The following BNC2 variants were observed in gnomAD, a reference collection of about 807,000 sequenced individuals.
The protein encoded by BNC2 is zinc finger protein basonuclin-2.
In BNC2, 20 loss-of-function variants were observed where a neutral mutation model predicts 76.3. The observed-to-expected ratio is 0.26, with a 90% CI of 0.18 to 0.38. The LOEUF (loss-of-function observed/expected upper bound fraction) is 0.38. Among genes scored for constraint, BNC2 ranks in the 10% least tolerant of loss-of-function variants. The pLI, the probability that BNC2 is intolerant of heterozygous loss-of-function variation, is 1.00. For missense variants in BNC2, 1,382 were observed against 1,399.8 expected (o/e 0.99, Z 0.20); for synonymous variants, 582 against 514.8 (o/e 1.13, Z -1.77).
intron 1 of BNC2, among the ~76,000 whole-genome samples, chr9:16,750,134 TA>T (rs1825145119): frequency 6.6e-6 from 1 of 152,182 alleles, no homozygotes; most frequent in Non-Finnish European, 1.5e-5. Flanking sequence ...TTTTCTGTTT[TA>T]AAGAATCTAC....
intron 1 of BNC2, among the ~76,000 whole-genome samples, chr9:16,824,712 A>G (rs926569710): frequency 7.9e-5 from 12 of 152,178 alleles, no homozygotes; most frequent in Non-Finnish European, 1.2e-4. Context: ...TCGACAAAAC[A>G]TACCTCTGAA....
intron 4 of BNC2, among the ~76,000 whole-genome samples, chr9:16,570,069 T>C (rs1819277258): frequency 6.6e-6 from 1 of 152,152 alleles, no homozygotes; most frequent in South Asian, 2.1e-4. Flanking sequence ...ATAATCACCC[T>C]ACCCCCCAGT....
At chr9:16,800,162 T>A (rs557805196) in intron 1 of BNC2, among the ~76,000 whole-genome samples, 2 of 151,704 alleles carry the variant, frequency 1.3e-5, no homozygotes, top group Non-Finnish European at 2.9e-5. Context: ...GAGGCAGACA[T>A]TGCAGTGAGC....
At position 16,498,296 on chromosome 9, in the gene BNC2, CAT is replaced by C. The variant is rs150566244; in HGVS notation, c.669+54232_669+54233del. The stretch of plus-strand genomic sequence containing the variant: ...TCCATCATATATATATATATTCCAT[CAT>C]ATATATATATGAATATATGATGGAA... On this transcript the variant is annotated intron_variant, in intron 5 of 6. Coordinates refer to ENST00000380672, the MANE Select transcript of BNC2 (RefSeq NM_017637.6). Among the ~76,000 whole-genome samples, 3 of 102,186 alleles carry C rather than the reference CAT, an allele frequency of 2.9e-5. 1 individual carries two copies. Among genetic ancestry groups the C allele is most frequent in the East Asian group, 3.8e-4 (1 of 2,616 alleles). The allele number at this position is 102,186 out of a possible 152,430, so 67.0% of individuals were successfully genotyped here.
chr9:16,589,147 T>C (rs1391635432), intron 3 of BNC2, among the ~76,000 whole-genome samples: 1 of 152,154 alleles, frequency 6.6e-6, no homozygotes, highest in African/African-American at 2.4e-5. Context: ...CATGGGTTCA[T>C]TAACCTTCAC....
chr9:16,582,878 G>A (rs1350179045), intron 4 of BNC2, 105 bp downstream of exon 4: 2 of 872,716 alleles, frequency 2.3e-6, no homozygotes, highest in Non-Finnish European at 3.7e-6. Context: ...CCAGGCCAGT[G>A]ACTCCTCTAA....
intron 5 of BNC2, among the ~76,000 whole-genome samples, chr9:16,528,891 G>A (rs1587135947): frequency 2.6e-5 from 4 of 152,264 alleles, no homozygotes; most frequent in South Asian, 4.1e-4. Context: ...TACTACCACC[G>A]TAGTGGCTTA....
chr9:16,829,456 G>A (rs1389115262), intron 1 of BNC2, among the ~76,000 whole-genome samples: 1 of 152,064 alleles, frequency 6.6e-6, no homozygotes, highest in Non-Finnish European at 1.5e-5. Context: ...GTGGTGTTCC[G>A]CAGACTTTCA....
intron 3 of BNC2, among the ~76,000 whole-genome samples, chr9:16,622,644 A>G (rs1187827033): frequency 1.6e-4 from 25 of 152,156 alleles, no homozygotes; most frequent in Non-Finnish European, 1.0e-4. Flanking sequence ...TTTTTGACAG[A>G]AATAGCTGCA....
intron 6 of BNC2, among the ~76,000 whole-genome samples, chr9:16,422,336 G>T (rs959871130): frequency 6.6e-6 from 1 of 151,968 alleles, no homozygotes; most frequent in African/African-American, 2.4e-5. Flanking sequence ...TAATTACATT[G>T]ACTTTTATTC....
intron 5 of BNC2, among the ~76,000 whole-genome samples, chr9:16,525,240 A>AAAAAGGT (rs1402892591): frequency 6.6e-6 from 1 of 152,206 alleles, no homozygotes; most frequent in Non-Finnish European, 1.5e-5. Flanking sequence ...AAGGTAATAA[A>AAAAAGGT]ACCACACAAA....
chr9:16,516,520 G>A (rs1169389223), intron 5 of BNC2, among the ~76,000 whole-genome samples: 1 of 152,016 alleles, frequency 6.6e-6, no homozygotes, highest in Non-Finnish European at 1.5e-5. Flanking sequence ...ACATACATAG[G>A]TACCCAGAAA....
At chr9:16,431,052 C>T (rs1424520874) in intron 6 of BNC2, among the ~76,000 whole-genome samples, 1 of 152,088 alleles carries the variant, frequency 6.6e-6, no homozygotes, top group African/African-American at 2.4e-5. Flanking sequence ...GGCCACTACT[C>T]TGAGAAGAAG....
At position 16,659,499 on chromosome 9, in the gene BNC2, T is replaced by A. The variant is rs563305195; in HGVS notation, c.330+68298A>T. ...GGTGCATGCCTGTAATCCCAGCTAC[T>A]CGGGAGGCTGAGGCAGGAGAATCGC... On this transcript the variant is annotated intron_variant, in intron 3 of 6. Transcript: ENST00000380672. Among the ~76,000 whole-genome samples the A allele has an allele frequency of 6.6e-5, 10 of 151,420 alleles. No homozygotes were observed. In the East Asian group the frequency reaches 1.2e-3, roughly 18 times the overall value.
In BNC2 at chr9:16,411,556, T is replaced by G. The variant is rs186084782; in HGVS notation, c.*7433A>C. On this transcript the variant is annotated 3_prime_UTR_variant, in exon 7 of 7. Coordinates refer to ENST00000380672, the MANE Select transcript of BNC2 (RefSeq NM_017637.6). ...TTTTTCAATTAGGATTCTATTAAGA[T>G]GTCTGATAAACGATTGTAACATATA... The G allele has an allele frequency of 8.4e-4, 128 of 152,780 alleles. No homozygotes were observed. Among genetic ancestry groups the G allele is most frequent in the Non-Finnish European group, 1.4e-3 (92 of 68,036 alleles). 9.5% of individuals were successfully genotyped at this position (152,780 alleles called of 1,614,324 possible). A position where few individuals can be genotyped will look rare whatever the true frequency, so the allele number is the denominator to read the frequency against.
intron 5 of BNC2, among the ~76,000 whole-genome samples, chr9:16,515,509 GCTGT>G (rs1400222846): frequency 6.6e-6 from 1 of 151,928 alleles, no homozygotes; most frequent in East Asian, 1.9e-4. Context: ...CTCCCCTCTG[GCTGT>G]CTGTTTAGTG....
chr9:16,558,474 CTGT>C (rs1207195221), intron 4 of BNC2, among the ~76,000 whole-genome samples: 2 of 152,156 alleles, frequency 1.3e-5, no homozygotes, highest in Non-Finnish European at 2.9e-5. Context: ...CTGGAATCTT[CTGT>C]TACATGAGCC....
chr9:16,412,600 G>T lies in BNC2; in HGVS notation c.*6389C>A, dbSNP rs962952494. 6.6e-6 allele frequency: 1 copy of T among 152,582 alleles called. No individual in the cohort carries two copies. Among genetic ancestry groups the T allele is most frequent in the Non-Finnish European group, 1.5e-5 (1 of 68,038 alleles). The allele number at this position is 152,582 out of a possible 1,614,324, so 9.5% of individuals were successfully genotyped here. On this transcript the variant is annotated 3_prime_UTR_variant, in exon 7 of 7. Coordinates refer to ENST00000380672, the MANE Select transcript of BNC2 (RefSeq NM_017637.6). ...TTATTTAAGAAGTCATCTTGTTACT[G>T]TCCACTTAATAGCTGGAGAGGGCAT...
chr9:16,813,585 G>A (rs868289748), intron 1 of BNC2, among the ~76,000 whole-genome samples: 13 of 152,240 alleles, frequency 8.5e-5, no homozygotes, highest in South Asian at 2.1e-4. Context: ...TATTTTTAGA[G>A]TCTTAAAAAT....
Sources: allele counts gnomAD v4.1 joint callset (sites outside exome capture counted in the v4.1 genomes callset), GRCh38; gene constraint gnomAD v4.1.1; transcripts MANE v1.5; gene names NCBI Gene and HGNC (gene_info 2026-07-23, HGNC 2026-07-21).